The following SLCO1B1 variants were observed in gnomAD, a reference collection of about 807,000 sequenced individuals.
SLCO1B1 encodes OATP-2.
In SLCO1B1, 81 loss-of-function variants were observed where a neutral mutation model predicts 70.1. The ratio of observed to expected loss-of-function variants is 1.16; its 90% confidence interval spans 0.97 to 1.39. The LOEUF is 1.39. Among genes scored for constraint, SLCO1B1 ranks in the 40% most tolerant of loss-of-function variants. The probability of loss-of-function intolerance (pLI) is 0.00; values close to 1 mark genes in which losing one functional copy is unlikely to be tolerated. For synonymous variants in SLCO1B1, 283 were observed against 271.5 expected, an observed-to-expected ratio of 1.04 and a Z score of -0.42; for missense variants, 895 against 799.6, an observed-to-expected ratio of 1.12 and a Z score of -1.44.
In SLCO1B1 at chr12:21,179,044, C is replaced by A. The variant is rs1428015314; in HGVS notation, c.727+24C>A. ...AAGTAAGTACAACCAGAACAAGGTACCATGATAACGTCTTTCTAAGCACAC... is the reference window on the plus strand; with the variant it reads ...AAGTAAGTACAACCAGAACAAGGTAACATGATAACGTCTTTCTAAGCACAC... On this transcript the variant is annotated intron_variant, in intron 7 of 14. Coordinates refer to ENST00000256958, the MANE Select transcript of SLCO1B1 (RefSeq NM_006446.5). 3.5e-6 allele frequency: 5 copies of A among 1,433,152 alleles called. No individual in the cohort carries two copies. In the African/African-American group the frequency reaches 5.6e-5, roughly 16 times the overall value. 88.8% of individuals were successfully genotyped at this position (1,433,152 alleles called of 1,614,324 possible).
chr12:21,238,431 C>G (rs1158848419), intron 14 of SLCO1B1, among the ~76,000 whole-genome samples: 3 of 151,714 alleles, frequency 2.0e-5, no homozygotes, highest in Admixed American at 2.0e-4. Flanking sequence ...CCGGACATAT[C>G]TAGGTCTGGT....
intron 9 of SLCO1B1, among the ~76,000 whole-genome samples, chr12:21,201,970 C>T (rs1201932093): frequency 6.6e-6 from 1 of 152,110 alleles, no homozygotes; most frequent in Non-Finnish European, 1.5e-5. Flanking sequence ...AAATGACCAC[C>T]AATCATAGAC....
rs370556411 is a variant in SLCO1B1 at position 21,172,681 on chromosome 12, T to A, written c.116T>A (p.Ile39Asn). 3.7e-6 allele frequency: 6 copies of A among 1,613,802 alleles called. No individual in the cohort carries two copies. Among genetic ancestry groups the A allele is most frequent in the Middle Eastern group, 1.6e-4 (1 of 6,080 alleles). The stretch of plus-strand genomic sequence containing the variant: ...TTGGCAGCTCTGTCACTCAGCTTTA[T>A]TGCTAAGACACTAGGTGCAATTATT... The part of the protein sequence containing the change: ...MFLAALSLSF[I>N]AKTLGAIIMK... Residue 39 changes from isoleucine (I) to asparagine (N), a missense_variant, in exon 3 of 15, where the codon ATT becomes AAT. Physicochemically the swap from Ile to Asn is moderately radical, Grantham distance 149 (BLOSUM62 -3). Coordinates refer to ENST00000256958, the MANE Select transcript of SLCO1B1 (RefSeq NM_006446.5).
chr12:21,152,935 G>T (rs1013137817), intron 2 of SLCO1B1, among the ~76,000 whole-genome samples: 4 of 152,188 alleles, frequency 2.6e-5, no homozygotes, highest in Non-Finnish European at 5.9e-5. Context: ...CACCGACTGG[G>T]TTCCCTTGGA....
chr12:21,219,044 A>G (rs893366522), intron 12 of SLCO1B1, among the ~76,000 whole-genome samples: 1 of 152,200 alleles, frequency 6.6e-6, no homozygotes, highest in Non-Finnish European at 1.5e-5. Flanking sequence ...TGAGGATGCA[A>G]CTGTGAACAA....
intron 8 of SLCO1B1, among the ~76,000 whole-genome samples, chr12:21,197,462 T>C (rs7957274): frequency 0.12 from 18,741 of 152,022 alleles, 1,586 homozygotes; most frequent in Non-Finnish European, 0.18. Context: ...AAATAGTAAA[T>C]ATTAATTTTA....
At chr12:21,208,962 T>C (rs2121161305) in intron 11 of SLCO1B1, among the ~76,000 whole-genome samples, 1 of 152,210 alleles carries the variant, frequency 6.6e-6, no homozygotes, top group South Asian at 2.1e-4. Context: ...CTAATTTTTT[T>C]CCATTGATTT....
intron 11 of SLCO1B1, among the ~76,000 whole-genome samples, chr12:21,213,027 G>A (rs1435512870): frequency 6.6e-6 from 1 of 151,642 alleles, no homozygotes; most frequent in Non-Finnish European, 1.5e-5. Flanking sequence ...CAATTTGCCA[G>A]TCTGTGTCTT....
In SLCO1B1 at chr12:21,217,249, T is replaced by G. The variant is rs72661137; in HGVS notation, c.1628T>G (p.Leu543Trp). 1.5e-5 allele frequency: 24 copies of G among 1,613,802 alleles called. No homozygotes were observed. The East Asian group carries it at 5.4e-4, about 36-fold the overall frequency. ...TACTTTTTTGTTGCAATACAAGTCT[T>G]GAATTTATTTTTCTCTGCACTTGGA... ...KFYFFVAIQV[L>W]NLFFSALGGT... The change falls in exon 12 of 15, where the codon TTG becomes TGG. Residue 543 changes from leucine (L) to tryptophan (W), a missense_variant. Leu to Trp is a moderately conservative substitution (Grantham distance 61, BLOSUM62 -2). Transcript: ENST00000256958.
At chr12:21,177,161 C>T (rs1233809526) in intron 5 of SLCO1B1, among the ~76,000 whole-genome samples, 1 of 152,098 alleles carries the variant, frequency 6.6e-6, no homozygotes. Context: ...CTGACATTTT[C>T]TATATTTGGA....
Position 21,177,332 on chromosome 12 carries a change from A to C in SLCO1B1, c.481+435A>C, listed in dbSNP as rs1323563327. Among the ~76,000 whole-genome samples, 4 of 152,306 alleles carry C rather than the reference A, an allele frequency of 2.6e-5. No individual in the cohort carries two copies. In the East Asian group the frequency reaches 7.7e-4, roughly 29 times the overall value. Reference sequence around the variant, plus strand: ...AATATTTTCAATAGGAAATTGACAAAGAATATATGCATTAAAGTAAAACAG... The same window carrying C: ...AATATTTTCAATAGGAAATTGACAACGAATATATGCATTAAAGTAAAACAG... On this transcript the variant is annotated intron_variant, in intron 5 of 14. Coordinates refer to ENST00000256958, the MANE Select transcript of SLCO1B1 (RefSeq NM_006446.5).
At chr12:21,192,309 T>A (rs1831413168) in intron 7 of SLCO1B1, among the ~76,000 whole-genome samples, 1 of 151,750 alleles carries the variant, frequency 6.6e-6, no homozygotes, top group Non-Finnish European at 1.5e-5. Context: ...TCTCTTTATA[T>A]TTTCTATATT....
At chr12:21,149,412 T>C (rs1289222770) in intron 2 of SLCO1B1, among the ~76,000 whole-genome samples, 1 of 152,162 alleles carries the variant, frequency 6.6e-6, no homozygotes, top group African/African-American at 2.4e-5. Flanking sequence ...ATACCTAGTT[T>C]ATTGAGAGAT....
chr12:21,231,640 T>C (rs1473679090), intron 14 of SLCO1B1, among the ~76,000 whole-genome samples: 1 of 151,906 alleles, frequency 6.6e-6, no homozygotes, highest in Non-Finnish European at 1.5e-5. Flanking sequence ...TATATAGATA[T>C]ATACACACAC....
intron 2 of SLCO1B1, among the ~76,000 whole-genome samples, chr12:21,172,045 TTAA>T (rs1940760972): frequency 6.6e-6 from 1 of 152,150 alleles, no homozygotes; most frequent in Non-Finnish European, 1.5e-5. Flanking sequence ...AGGGTAAATA[TTAA>T]TAGTAGAGAG....
intron 14 of SLCO1B1, among the ~76,000 whole-genome samples, chr12:21,234,412 A>G (rs146059821): frequency 5.9e-5 from 9 of 152,182 alleles, no homozygotes; most frequent in African/African-American, 1.7e-4. Context: ...CTCCTAAATC[A>G]TAATTTCTAA....
At chr12:21,192,330 T>C (rs1412650023) in intron 7 of SLCO1B1, among the ~76,000 whole-genome samples, 3 of 151,808 alleles carry the variant, frequency 2.0e-5, no homozygotes, top group African/African-American at 7.3e-5. Context: ...TTCTGTGTTT[T>C]ATGTCTCCAG....
At chr12:21,213,431 T>A (rs1309105798) in intron 11 of SLCO1B1, among the ~76,000 whole-genome samples, 2 of 151,472 alleles carry the variant, frequency 1.3e-5, no homozygotes, top group Non-Finnish European at 2.9e-5. Context: ...TGCCGAGAGA[T>A]CCGCTGTTAG....
intron 7 of SLCO1B1, among the ~76,000 whole-genome samples, chr12:21,186,449 C>T (rs185151082): frequency 2.0e-3 from 299 of 151,538 alleles, no homozygotes; most frequent in African/African-American, 6.4e-3. Context: ...GATTCTTGTG[C>T]GTTTTTATAC....
Sources: gnomAD v4.1 joint callset for allele counts (sites outside exome capture counted in the v4.1 genomes callset) on GRCh38, gnomAD v4.1.1 for gene constraint, MANE v1.5 for transcripts, NCBI Gene and HGNC (gene_info 2026-07-23, HGNC 2026-07-21) for gene names.